CDH18: variants seen among roughly 807,000 people sequenced by gnomAD.
The protein encoded by CDH18 is cadherin 18, also known as cadherin-18.
Under a neutral mutation model 67.9 loss-of-function variants are expected in CDH18, and 31 were observed. The observed-to-expected ratio is 0.46, with a 90% confidence interval of 0.34 to 0.62. The LOEUF (loss-of-function observed/expected upper bound fraction) is 0.62. Ranked by LOEUF, CDH18 falls within the 20% of genes least tolerant of loss-of-function variation. The pLI is 0.01. For missense variants in CDH18, 890 were observed against 975.5 expected (o/e 0.91, Z 1.17); for synonymous variants, 362 against 347.2 (o/e 1.04, Z -0.48).
At chr5:20,419,775 C>T (rs973003341) in intron 1 of CDH18, among the ~76,000 whole-genome samples, 13 of 150,884 alleles carry the variant, frequency 8.6e-5, no homozygotes, top group African/African-American at 3.2e-4. Context: ...CCGCGCCTGT[C>T]CCTGGGACTC....
chr5:20,512,110 C>A (rs1755073250), intron 1 of CDH18, among the ~76,000 whole-genome samples: 2 of 151,960 alleles, frequency 1.3e-5, no homozygotes, highest in Non-Finnish European at 2.9e-5. Flanking sequence ...GTAATCCCAG[C>A]TACTCGGGAG....
At chr5:20,201,600 C>T (rs943569813) in intron 2 of CDH18, among the ~76,000 whole-genome samples, 3 of 151,746 alleles carry the variant, frequency 2.0e-5, no homozygotes, top group Non-Finnish European at 4.4e-5. Flanking sequence ...TAAATAGCTA[C>T]ATATAACAAA....
intron 1 of CDH18, among the ~76,000 whole-genome samples, chr5:20,427,544 G>T (rs1392611651): frequency 6.6e-6 from 1 of 151,028 alleles, no homozygotes; most frequent in Non-Finnish European, 1.5e-5. Context: ...TATTTTAAAG[G>T]TCACACATAT....
intron 1 of CDH18, among the ~76,000 whole-genome samples, chr5:20,421,361 A>C (rs926476073): frequency 1.6e-5 from 2 of 127,956 alleles, no homozygotes; most frequent in African/African-American, 3.8e-5. Context: ...GAAAACAATC[A>C]CTTGGTTTTT....
At chr5:20,484,404 A>G (rs1433962659) in intron 1 of CDH18, among the ~76,000 whole-genome samples, 1 of 152,070 alleles carries the variant, frequency 6.6e-6, no homozygotes, top group Non-Finnish European at 1.5e-5. Flanking sequence ...GAGCTACTAT[A>G]TGATCCAGTA....
intron 5 of CDH18, among the ~76,000 whole-genome samples, chr5:19,694,736 G>T (rs1762328615): frequency 6.6e-6 from 1 of 151,628 alleles, no homozygotes; most frequent in Non-Finnish European, 1.5e-5. Flanking sequence ...CTTTGTAAAA[G>T]ATAAAAATTA....
chr5:19,920,937 A>G (rs1332683520), intron 2 of CDH18, among the ~76,000 whole-genome samples: 1 of 149,006 alleles, frequency 6.7e-6, no homozygotes, highest in Non-Finnish European at 1.5e-5. Context: ...ACAGGGGGAT[A>G]GAGTACATGA....
chr5:19,895,259 C>T (rs1163993934), intron 2 of CDH18, among the ~76,000 whole-genome samples: 1 of 152,122 alleles, frequency 6.6e-6, no homozygotes, highest in African/African-American at 2.4e-5. Context: ...GTCTTGCAAA[C>T]TGGTAAGGCT....
At chr5:19,604,021 CAT>C (rs1747612534) in intron 6 of CDH18, among the ~76,000 whole-genome samples, 1 of 151,894 alleles carries the variant, frequency 6.6e-6, no homozygotes, top group Admixed American at 6.6e-5. Context: ...TTGTATGCCA[CAT>C]GTGATCTTTT....
intron 5 of CDH18, among the ~76,000 whole-genome samples, chr5:19,709,644 A>G (rs1235925539): frequency 1.3e-5 from 2 of 151,656 alleles, no homozygotes; most frequent in East Asian, 1.9e-4. Context: ...GAGAGAGAGA[A>G]AAAGGAGAGA....
chr5:19,853,004 G>A (rs1783886453), intron 2 of CDH18, among the ~76,000 whole-genome samples: 1 of 152,072 alleles, frequency 6.6e-6, no homozygotes, highest in Non-Finnish European at 1.5e-5. Context: ...GTACAAGATT[G>A]TGAAAAATAA....
chr5:20,398,057 G>C (rs1353011486), intron 1 of CDH18, among the ~76,000 whole-genome samples: 3 of 152,048 alleles, frequency 2.0e-5, no homozygotes, highest in Non-Finnish European at 1.5e-5. Context: ...GTGCTTATAG[G>C]CTACCACACC....
intron 11 of CDH18, among the ~76,000 whole-genome samples, chr5:19,489,564 C>T (rs560702408): frequency 1.3e-5 from 2 of 152,212 alleles, no homozygotes; most frequent in South Asian, 2.1e-4. Flanking sequence ...GTTCTTTTAT[C>T]AGATGCTACA....
intron 2 of CDH18, among the ~76,000 whole-genome samples, chr5:20,026,440 T>C (rs1738908117): frequency 6.6e-6 from 1 of 152,230 alleles, no homozygotes; most frequent in Non-Finnish European, 1.5e-5. Context: ...TCAGCACATA[T>C]GTTTTGAACA....
At chr5:19,531,280 T>C (rs1748577355) in intron 9 of CDH18, among the ~76,000 whole-genome samples, 1 of 152,106 alleles carries the variant, frequency 6.6e-6, no homozygotes, top group Admixed American at 6.6e-5. Context: ...AAAATCTAAA[T>C]AACTTTATAA....
chr5:19,757,839 C>G (rs1171929376), intron 3 of CDH18, among the ~76,000 whole-genome samples: 2 of 152,226 alleles, frequency 1.3e-5, no homozygotes, highest in African/African-American at 4.8e-5. Context: ...TGCACAACCA[C>G]GTGCACTGTT....
intron 2 of CDH18, among the ~76,000 whole-genome samples, chr5:20,030,054 G>C (rs149482019): frequency 6.6e-6 from 1 of 152,232 alleles, no homozygotes; most frequent in East Asian, 1.9e-4. Flanking sequence ...CCTGAACTTT[G>C]GGTCAAATTA....
intron 1 of CDH18, among the ~76,000 whole-genome samples, chr5:20,470,955 A>G (rs757006234): frequency 6.6e-6 from 1 of 152,140 alleles, no homozygotes; most frequent in Non-Finnish European, 1.5e-5. Flanking sequence ...TATTTCTGAA[A>G]TATAATCTCC....
At chr5:20,322,222 G>A (rs1377699005) in intron 1 of CDH18, among the ~76,000 whole-genome samples, 1 of 152,012 alleles carries the variant, frequency 6.6e-6, no homozygotes, top group Non-Finnish European at 1.5e-5. Flanking sequence ...GGAAACCACT[G>A]ATTTCAGTTG....
Sources: gnomAD v4.1 joint callset for allele counts (sites outside exome capture counted in the v4.1 genomes callset) on GRCh38, gnomAD v4.1.1 for gene constraint, MANE v1.5 for transcripts, NCBI Gene and HGNC (gene_info 2026-07-23, HGNC 2026-07-21) for gene names.